The following DGKG variants were observed in gnomAD, a reference collection of about 807,000 sequenced individuals.
DGKG encodes diacylglycerol kinase gamma.
Under a neutral mutation model 105.3 loss-of-function variants are expected in DGKG, and 78 were observed. The observed-to-expected ratio is 0.74, with a 90% CI of 0.62 to 0.89. The LOEUF (loss-of-function observed/expected upper bound fraction) is 0.89. DGKG is among the 40% of genes least tolerant of loss of function. DGKG has a pLI of 0.00. For synonymous variants in DGKG, 346 were observed against 367.1 expected, an observed-to-expected ratio of 0.94 and a Z score of 0.66; for missense variants, 958 against 1,020.1, an observed-to-expected ratio of 0.94 and a Z score of 0.83.
At chr3:186,181,354 T>A (rs975385414) in intron 22 of DGKG, among the ~76,000 whole-genome samples, 1 of 152,184 alleles carries the variant, frequency 6.6e-6, no homozygotes, top group Non-Finnish European at 1.5e-5. Context: ...ACCGAGGGTA[T>A]CTGTCTCCCT....
chr3:186,212,192 C>T (rs776324351), intron 20 of DGKG, among the ~76,000 whole-genome samples: 16 of 152,176 alleles, frequency 1.1e-4, no homozygotes, highest in East Asian at 3.9e-4. Flanking sequence ...AAGAGCTCTA[C>T]GAGAAGTCAA....
At chr3:186,248,663 C>A (rs1245380993) in intron 19 of DGKG, among the ~76,000 whole-genome samples, 1 of 152,192 alleles carries the variant, frequency 6.6e-6, no homozygotes, top group Non-Finnish European at 1.5e-5. Flanking sequence ...GCCACCACAA[C>A]TAAATTTTGA....
At chr3:186,229,676 A>C (rs1330507180) in intron 20 of DGKG, among the ~76,000 whole-genome samples, 1 of 152,188 alleles carries the variant, frequency 6.6e-6, no homozygotes, top group Non-Finnish European at 1.5e-5. Flanking sequence ...TCATCTTCCC[A>C]GTTATACCCA....
At chr3:186,312,719 A>G (rs1347844297) in intron 2 of DGKG, among the ~76,000 whole-genome samples, 1 of 152,236 alleles carries the variant, frequency 6.6e-6, no homozygotes, top group Non-Finnish European at 1.5e-5. Flanking sequence ...AGGAAGTTAT[A>G]CAGTGAGATG....
intron 7 of DGKG, among the ~76,000 whole-genome samples, chr3:186,283,863 G>C (rs1722939040): frequency 6.6e-6 from 1 of 152,180 alleles, no homozygotes. Flanking sequence ...AGTTTGTCTA[G>C]TGGACTTCTT....
intron 20 of DGKG, among the ~76,000 whole-genome samples, chr3:186,225,048 C>G (rs1390644546): frequency 6.6e-6 from 1 of 151,340 alleles, no homozygotes; most frequent in Non-Finnish European, 1.5e-5. Flanking sequence ...CCCCCTGAGT[C>G]CCTTTTCTTT....
chr3:186,285,906 C>A (rs948338669), intron 6 of DGKG, among the ~76,000 whole-genome samples: 1 of 151,994 alleles, frequency 6.6e-6, no homozygotes, highest in Non-Finnish European at 1.5e-5. Flanking sequence ...CTCAAACTCC[C>A]GACCTCAGAT....
chr3:186,267,282 G>A (rs1160723087), intron 13 of DGKG, among the ~76,000 whole-genome samples: 1 of 152,140 alleles, frequency 6.6e-6, no homozygotes, highest in Admixed American at 6.6e-5. Flanking sequence ...TCCTTGCTGG[G>A]TCATTTCAGG....
rs545032760 is a variant in DGKG, at chr3:186,247,207, G to T, written c.1761+4552C>A. On this transcript the variant is annotated intron_variant, in intron 19 of 24. Transcript: ENST00000265022. The stretch of plus-strand genomic sequence containing the variant: ...TGGTGAGAAACTGATGTGTGGATGG[G>T]GCTGTCGTAGCAATGAGGGCACAGT... 2.0e-5 allele frequency among the ~76,000 whole-genome samples: 3 copies of T among 152,222 alleles called. No individual in the cohort carries two copies. In the East Asian group the frequency reaches 5.8e-4, roughly 29 times the overall value.
chr3:186,259,807 GCT>G (rs1721670818), intron 16 of DGKG, among the ~76,000 whole-genome samples: 3 of 152,296 alleles, frequency 2.0e-5, no homozygotes, highest in African/African-American at 7.2e-5. Flanking sequence ...GAGACCTGCA[GCT>G]CACCATTAGC....
intron 20 of DGKG, among the ~76,000 whole-genome samples, chr3:186,237,568 C>T (rs965749377): frequency 1.3e-5 from 2 of 152,206 alleles, no homozygotes; most frequent in African/African-American, 4.8e-5. Context: ...TCCTTAGCCT[C>T]AGTTCCTTCA....
chr3:186,209,354 G>A (rs1360033701), intron 21 of DGKG, among the ~76,000 whole-genome samples: 5 of 152,040 alleles, frequency 3.3e-5, no homozygotes, highest in Middle Eastern at 3.4e-3. Flanking sequence ...CACCCGCCTC[G>A]GCTTCCCAAA....
intron 1 of DGKG, among the ~76,000 whole-genome samples, chr3:186,341,989 G>A (rs749004827): frequency 1.3e-5 from 2 of 152,138 alleles, no homozygotes; most frequent in Non-Finnish European, 2.9e-5. Flanking sequence ...ACACAGGAAG[G>A]GTAATATCAC....
chr3:186,321,531 C>T (rs1218074452), intron 1 of DGKG, among the ~76,000 whole-genome samples: 1 of 152,194 alleles, frequency 6.6e-6, no homozygotes, highest in East Asian at 1.9e-4. Context: ...TGGGAAGCCA[C>T]CAACCTAAAA....
chr3:186,254,723 A>G (rs911322345), intron 17 of DGKG, among the ~76,000 whole-genome samples: 13 of 151,814 alleles, frequency 8.6e-5, no homozygotes, highest in African/African-American at 3.1e-4. Context: ...TCGCTGCAAC[A>G]GCCTCCTCTC....
chr3:186,253,302 AC>A, intron 17 of DGKG, 120 bp from the exon 18 acceptor site: 1 of 751,346 alleles, frequency 1.3e-6, no homozygotes, highest in East Asian at 2.6e-5. Context: ...TTTGAATACC[AC>A]CCTGATGGGA....
intron 21 of DGKG, among the ~76,000 whole-genome samples, chr3:186,194,802 TTAA>T (rs1408150189): frequency 1.1e-4 from 3 of 26,636 alleles, no homozygotes; most frequent in African/African-American, 1.4e-4. Context: ...TGGTCTTTCT[TTAA>T]AAAAAAAAAA....
chr3:186,270,656 G>A (rs1475559171), intron 11 of DGKG, among the ~76,000 whole-genome samples: 4 of 152,234 alleles, frequency 2.6e-5, no homozygotes, highest in African/African-American at 9.6e-5. Flanking sequence ...ATTTTGCAGA[G>A]GAAAAAATGA....
chr3:186,313,682 T>C (rs1724666989), intron 2 of DGKG: 1 of 179,800 alleles, frequency 5.6e-6, no homozygotes, highest in Non-Finnish European at 1.1e-5. Context: ...CTCCAGGAGA[T>C]TCATGTGTAC....
Sources: allele counts gnomAD v4.1 joint callset (sites outside exome capture counted in the v4.1 genomes callset), GRCh38; gene constraint gnomAD v4.1.1; transcripts MANE v1.5; gene names NCBI Gene and HGNC (gene_info 2026-07-23, HGNC 2026-07-21).